TRIM13: variants seen among roughly 807,000 people sequenced by gnomAD.
TRIM13 encodes E3 ubiquitin-protein ligase TRIM13.
A neutral mutation model predicts 27.1 loss-of-function variants in TRIM13; 15 were observed. The observed-to-expected ratio is 0.55, with a 90% CI of 0.37 to 0.85. The LOEUF (loss-of-function observed/expected upper bound fraction) is 0.85, where lower values mean the gene tolerates loss of function less well. Ranked by LOEUF, TRIM13 falls within the 40% of genes least tolerant of loss-of-function variation. The pLI is 0.00. For missense variants in TRIM13, 402 were observed against 472.2 expected, an observed-to-expected ratio of 0.85 and a Z score of 1.38; for synonymous variants, 193 against 171.5, an observed-to-expected ratio of 1.13 and a Z score of -0.98.
chr13:49,999,834 C>T (rs1440219679), intron 1 of TRIM13, among the ~76,000 whole-genome samples: 1 of 152,016 alleles, frequency 6.6e-6, no homozygotes, highest in East Asian at 1.9e-4. Context: ...ATGATTAAAC[C>T]CCTTCATTTT....
In TRIM13 at chr13:50,015,568, G is replaced by C. The variant is rs754635280; in HGVS notation, c.*2404G>C. The C allele has an allele frequency of 1.9e-6, 3 of 1,614,144 alleles. No individual in the cohort carries two copies. Among genetic ancestry groups the C allele is most frequent in the Admixed American group, 3.3e-5 (2 of 60,024 alleles). ...CGACAAGGTTTTCTACGATAAAGCA[G>C]TTTCCTGCTTCTCGTTTGGCACGCA... is the stretch of plus-strand genomic sequence containing the variant. On this transcript the variant is annotated 3_prime_UTR_variant, in exon 2 of 2. Transcript: ENST00000378182.
chr13:50,005,152 G>A (rs937380358), intron 1 of TRIM13, among the ~76,000 whole-genome samples: 1 of 152,108 alleles, frequency 6.6e-6, no homozygotes, highest in Non-Finnish European at 1.5e-5. Flanking sequence ...TGTCAAAGGA[G>A]TAAGCTGGGT....
intron 1 of TRIM13, among the ~76,000 whole-genome samples, chr13:50,009,753 A>AC (rs1491441576): frequency 0.013 from 1,810 of 137,910 alleles, 13 homozygotes; most frequent in Non-Finnish European, 0.018. Flanking sequence ...AAAAAAAAAA[A>AC]AAAAACAACA....
intron 1 of TRIM13, among the ~76,000 whole-genome samples, chr13:50,006,063 T>C (rs1594569096): frequency 6.6e-6 from 1 of 152,100 alleles, no homozygotes; most frequent in East Asian, 1.9e-4. Flanking sequence ...CTTTAAATTA[T>C]CAACCAAAAT....
intron 1 of TRIM13, among the ~76,000 whole-genome samples, chr13:50,004,623 T>C (rs1426502023): frequency 2.3e-4 from 34 of 150,338 alleles, no homozygotes; most frequent in Admixed American, 2.3e-3. Flanking sequence ...ATTAGCCAGG[T>C]GGTAGTGGTG....
In TRIM13 at chr13:50,015,430, T is replaced by A. The variant is rs575048678; in HGVS notation, c.*2266T>A. The A allele has an allele frequency of 1.7e-3, 2,061 of 1,200,098 alleles. 10 individuals are homozygous for A. The highest frequency in any genetic ancestry group is 4.2e-3 in the South Asian group (291 of 69,160). The allele number at this position is 1,200,098 out of a possible 1,614,324, so 74.3% of individuals were successfully genotyped here. A position where few individuals can be genotyped will look rare whatever the true frequency, so the allele number is the denominator to read the frequency against. On this transcript the variant is annotated 3_prime_UTR_variant, in exon 2 of 2. Transcript: ENST00000378182. ...ATAATCATGTATAACTAGCAACATT[T>A]ATGGTTATAGGTTGATTTCCTAAGT...
chr13:50,007,182 CAAA>C (rs112759649), intron 1 of TRIM13, among the ~76,000 whole-genome samples: 1 of 121,126 alleles, frequency 8.3e-6, no homozygotes. Context: ...GACTCTGTCT[CAAA>C]AAAAAAAAAA....
Position 50,013,112 on chromosome 13 carries a change from T to C in TRIM13, c.1172T>C (p.Leu391Ser), listed in dbSNP as rs755030660. 1.2e-6 allele frequency: 2 copies of C among 1,611,678 alleles called. No homozygotes were observed. Among genetic ancestry groups the C allele is most frequent in the African/African-American group, 2.7e-5 (2 of 74,864 alleles). Residue 391 changes from leucine (L) to serine (S), a missense_variant, in exon 2 of 2, where the codon TTG (leucine) becomes TCG (serine). Physicochemically the swap from Leu to Ser is moderately radical, Grantham distance 145 (BLOSUM62 -2). Transcript: ENST00000378182. ...IFNERFKNFT[L>S]VVLNNVAEFV... Reference sequence around the variant, plus strand: ...AATGAAAGATTCAAGAATTTTACTTTGGTGGTACTGAACAATGTGGCAGAA... The same window carrying C: ...AATGAAAGATTCAAGAATTTTACTTCGGTGGTACTGAACAATGTGGCAGAA...
rs1876254257 is a variant in TRIM13 at position 50,015,088 on chromosome 13, AAAAAAAATATATATATATAT to A, written c.*1926_*1945del. The A allele has an allele frequency of 1.2e-4, 6 of 49,256 alleles. No homozygotes were observed. The highest frequency in any genetic ancestry group is 3.0e-4 in the African/African-American group (3 of 9,924). The allele number at this position is 49,256 out of a possible 1,614,324, so 3.1% of individuals were successfully genotyped here. Reference sequence around the variant, plus strand: ...CCCTCCCAGTAATAAAAAAAAAAAAAAAAAAAATATATATATATATATATATATATATATATATATATATA... The same window carrying A: ...CCCTCCCAGTAATAAAAAAAAAAAAAATATATATATATATATATATATATA... On this transcript the variant is annotated 3_prime_UTR_variant, in exon 2 of 2. Transcript: ENST00000378182.
At chr13:50,007,364 G>A (rs186290170) in intron 1 of TRIM13, among the ~76,000 whole-genome samples, 9 of 149,954 alleles carry the variant, frequency 6.0e-5, no homozygotes, top group African/African-American at 1.7e-4. Flanking sequence ...GGTGGCCGGT[G>A]CCTGTAATCC....
At position 50,012,374 on chromosome 13, in the gene TRIM13, T is replaced by C; in HGVS notation, c.434T>C (p.Leu145Pro). 6.2e-7 allele frequency: 1 copy of C among 1,614,176 alleles called. No homozygotes were observed. Among genetic ancestry groups the C allele is most frequent in the Non-Finnish European group, 8.5e-7 (1 of 1,180,014 alleles). Residue 145 changes from leucine to proline, a missense_variant, in exon 2 of 2, where the codon CTC becomes CCC. By Grantham distance (98) the Leu-to-Pro change is moderately conservative. This residue lies in a region of TRIM13 where 202 missense variants were observed against 277.5 expected (regional missense o/e 0.73). Transcript: ENST00000378182. The part of the protein sequence containing the change: ...YAQERDAFES[L>P]FQSFETWRRG... ...CAGGAAAGGGATGCCTTTGAGTCCC[T>C]CTTCCAGAGCTTTGAGACCTGGCGT...
At position 50,015,101 on chromosome 13, in the gene TRIM13, A is replaced by T. The variant is rs1377379333; in HGVS notation, c.*1937A>T. ...AAAAAAAAAAAAAAAAAAAATATAT[A>T]TATATATATATATATATATATATAT... On this transcript the variant is annotated 3_prime_UTR_variant, in exon 2 of 2. Transcript: ENST00000378182. 1 of 3,200 alleles carries T rather than the reference A, an allele frequency of 3.1e-4. No individual in the cohort carries two copies. The highest frequency in any genetic ancestry group is 1.2e-3 in the Non-Finnish European group (1 of 860). The allele number at this position is 3,200 out of a possible 1,614,324, so 0.2% of individuals were successfully genotyped here.
chr13:50,012,574 A>C lies in TRIM13; in HGVS notation c.634A>C (p.Met212Leu), dbSNP rs746409326. The C allele has an allele frequency of 1.2e-6, 2 of 1,614,180 alleles. No individual in the cohort carries two copies. The highest frequency in any genetic ancestry group is 3.3e-5 in the Admixed American group (2 of 60,030). The change falls in exon 2 of 2, where the codon ATG becomes CTG. Residue 212 changes from methionine to leucine, a missense_variant. Physicochemically the swap from Met to Leu is conservative, Grantham distance 15. Around this residue, in one of 2 missense-constraint regions of TRIM13, gnomAD observed 202 missense variants for 277.5 expected, o/e 0.73. Coordinates refer to ENST00000378182, the MANE Select transcript of TRIM13 (RefSeq NM_213590.3). The part of the protein sequence containing the change: ...SDFETMKLAV[M>L]QAYDPEINKL... ...CTTTGAGACCATGAAACTTGCTGTT[A>C]TGCAAGCATATGACCCAGAGATCAA...
intron 1 of TRIM13, among the ~76,000 whole-genome samples, chr13:50,007,475 T>C (rs1471643540): frequency 3.7e-4 from 45 of 122,856 alleles, no homozygotes; most frequent in African/African-American, 1.4e-3. Context: ...TGGGCAACAG[T>C]GAGACTCTGT....
chr13:50,016,863 CTT>C lies in TRIM13; in HGVS notation c.*3714_*3715del, dbSNP rs34862097. ...CTTTATTGGTATCATTTAAAATATA[CTT>C]TTTTTTTTTTTTTTGGTAAAGGTAG... On this transcript the variant is annotated 3_prime_UTR_variant, in exon 2 of 2. Coordinates refer to ENST00000378182, the MANE Select transcript of TRIM13 (RefSeq NM_213590.3). The C allele has an allele frequency of 0.015, 2,232 of 148,938 alleles. 1 individual carries two copies. The highest frequency in any genetic ancestry group is 0.011 in the Middle Eastern group (3 of 276). 9.2% of individuals were successfully genotyped at this position (148,938 alleles called of 1,614,324 possible).
At position 50,017,802 on chromosome 13, in the gene TRIM13, C is replaced by T. The variant is rs1200016470; in HGVS notation, c.*4638C>T. The T allele has an allele frequency of 1.8e-5, 3 of 166,874 alleles. No individual in the cohort carries two copies. Among genetic ancestry groups the T allele is most frequent in the Non-Finnish European group, 2.9e-5 (2 of 68,072 alleles). The allele number at this position is 166,874 out of a possible 1,614,324, so 10.3% of individuals were successfully genotyped here. ...AATCATTTTTATTTTTTGCTCACTC[C>T]CTGGTCTGAATCTATCTGTCTATTC... is the stretch of plus-strand genomic sequence containing the variant. On this transcript the variant is annotated 3_prime_UTR_variant, in exon 2 of 2. Transcript: ENST00000378182.
chr13:50,010,350 A>G (rs964809505), intron 1 of TRIM13, among the ~76,000 whole-genome samples: 6 of 152,190 alleles, frequency 3.9e-5, no homozygotes, highest in African/African-American at 1.4e-4. Context: ...CACTGCTCCC[A>G]GCCTGAATCT....
At position 50,013,268 on chromosome 13, in the gene TRIM13, A is replaced by T; in HGVS notation, c.*104A>T. 8.4e-7 allele frequency: 1 copy of T among 1,191,248 alleles called. No homozygotes were observed. Among genetic ancestry groups the T allele is most frequent in the South Asian group, 1.8e-5 (1 of 56,730 alleles). The allele number at this position is 1,191,248 out of a possible 1,614,324, so 73.8% of individuals were successfully genotyped here. The stretch of plus-strand genomic sequence containing the variant: ...ATTCTAGTCACATATTTTCCTCCAA[A>T]AGTATTCCTTCCAAAAATAATCTAT... On this transcript the variant is annotated 3_prime_UTR_variant, in exon 2 of 2. Transcript: ENST00000378182.
In TRIM13 at chr13:50,018,357, C is replaced by T. The variant is rs1197214199; in HGVS notation, c.*5193C>T. 4.8e-5 allele frequency: 8 copies of T among 166,442 alleles called. No homozygotes were observed. The Admixed American group carries it at 5.2e-4, about 11-fold the overall frequency. 10.3% of individuals were successfully genotyped at this position (166,442 alleles called of 1,614,324 possible). A position where few individuals can be genotyped will look rare whatever the true frequency, so the allele number is the denominator to read the frequency against. On this transcript the variant is annotated 3_prime_UTR_variant, in exon 2 of 2. Transcript: ENST00000378182. ...TTCTGTAACATTTTTCTCACTTTGA[C>T]AAATGTTTTTAGACTGTACAGTCAA... is the stretch of plus-strand genomic sequence containing the variant.
Sources: gnomAD v4.1 joint callset for allele counts (sites outside exome capture counted in the v4.1 genomes callset) on GRCh38, gnomAD v4.1.1 for gene constraint, gnomAD v4.1.1 regional missense constraint, MANE v1.5 for transcripts, NCBI Gene and HGNC (gene_info 2026-07-23, HGNC 2026-07-21) for gene names.